CACNA1S: variants seen among roughly 807,000 people sequenced by gnomAD.
CACNA1S encodes the protein calcium voltage-gated channel subunit alpha1 S, also known as voltage-dependent L-type calcium channel subunit alpha-1S.
In CACNA1S, 126 loss-of-function variants were observed where a neutral mutation model predicts 207.4. The ratio of observed to expected loss-of-function variants is 0.61; its 90% CI spans 0.53 to 0.70. The LOEUF (loss-of-function observed/expected upper bound fraction) is 0.70. CACNA1S is among the 30% of genes least tolerant of loss of function. CACNA1S has a pLI of 0.00. For missense variants in CACNA1S, 2,349 were observed against 2,422.8 expected (o/e 0.97, Z 0.64); for synonymous variants, 960 against 932.7 (o/e 1.03, Z -0.53).
chr1:201,080,967 T>C (rs903761113), intron 10 of CACNA1S, among the ~76,000 whole-genome samples: 4 of 152,238 alleles, frequency 2.6e-5, no homozygotes, highest in Non-Finnish European at 4.4e-5. Context: ...TTGGACCCCA[T>C]ACCTATATAA....
intron 36 of CACNA1S, among the ~76,000 whole-genome samples, 167 bp downstream of exon 36, chr1:201,048,415 C>T (rs1660542967): frequency 6.6e-6 from 1 of 152,184 alleles, no homozygotes; most frequent in Non-Finnish European, 1.5e-5. Flanking sequence ...CAGGCTCCCT[C>T]TGAGCCCTGA....
In CACNA1S at chr1:201,112,216, T is replaced by A. The variant is rs1553254275; in HGVS notation, c.124A>T (p.Lys42Ter). The change falls in exon 1 of 44, where the codon AAG (lysine) becomes TAG (stop). Residue 42 changes from lysine to a stop codon, truncating the protein, a stop_gained. Transcript: ENST00000362061. LOFTEE classifies it high-confidence loss of function. Reference sequence around the variant, plus strand: ...CATTCTACAATGCTGATGCAGGCCTTCCTCAGGGGGTTCTCCAGGGTCAGG... The same window carrying A: ...CATTCTACAATGCTGATGCAGGCCTACCTCAGGGGGTTCTCCAGGGTCAGG... ...FCLTLENPLR[K>*]ACISIVEWKP... is the part of the protein sequence containing the mutation. 6.2e-7 allele frequency: 1 copy of A among 1,613,648 alleles called. No individual in the cohort carries two copies. Among genetic ancestry groups the A allele is most frequent in the Non-Finnish European group, 8.5e-7 (1 of 1,179,822 alleles).
At chr1:201,051,200 G>C in intron 32 of CACNA1S, 57 bp from the exon 33 acceptor site, 1 of 1,594,476 alleles carries the variant, frequency 6.3e-7, no homozygotes, top group Non-Finnish European at 8.6e-7. Flanking sequence ...CCCTCAGAAG[G>C]CTGGCAGTCA....
chr1:201,094,130 C>T, intron 2 of CACNA1S, 109 bp from the exon 3 acceptor site: 2 of 1,376,384 alleles, frequency 1.5e-6, no homozygotes, highest in South Asian at 1.2e-5. Flanking sequence ...GCACGCCCAC[C>T]TCAGGACGTT....
In CACNA1S at chr1:201,101,353, A is replaced by G. The variant is rs574012231; in HGVS notation, c.259-7332T>C. Among the ~76,000 whole-genome samples the G allele has an allele frequency of 2.6e-5, 4 of 152,044 alleles. No individual in the cohort carries two copies. In the South Asian group the frequency reaches 6.2e-4, roughly 24 times the overall value. On this transcript the variant is annotated intron_variant, in intron 2 of 43. Transcript: ENST00000362061. ...AGGCTTTTGACAAAAAACAACCCTC[A>G]CCCTCCATAACTAGTCATCTTCCTT...
Position 201,053,144 on chromosome 1 carries a change from T to C in CACNA1S, c.3861+65A>G. The C allele has an allele frequency of 6.4e-7, 1 of 1,559,914 alleles. No individual in the cohort carries two copies. Among genetic ancestry groups the C allele is most frequent in the Non-Finnish European group, 8.8e-7 (1 of 1,130,736 alleles). On this transcript the variant is annotated intron_variant, in intron 31 of 43. Coordinates refer to ENST00000362061, the MANE Select transcript of CACNA1S (RefSeq NM_000069.3). The surrounding 1 kb of genome is among the most constrained non-coding windows in gnomAD (Gnocchi z 5.1). ...CGTGTGCTGCTCAGGCTCCTCAGGG[T>C]CCACTGATGCCCCCTCTAACTTGGC...
intron 2 of CACNA1S, among the ~76,000 whole-genome samples, chr1:201,104,938 G>A (rs529352100): frequency 6.6e-6 from 1 of 152,308 alleles, no homozygotes; most frequent in South Asian, 2.1e-4. Flanking sequence ...GTACAAATGA[G>A]AAAAATAAAA....
Position 201,100,302 on chromosome 1 carries a change from G to A in CACNA1S, c.259-6281C>T, listed in dbSNP as rs111604126. 1.8e-3 allele frequency among the ~76,000 whole-genome samples: 275 copies of A among 152,364 alleles called. 1 individual carries two copies. The highest frequency in any genetic ancestry group is 0.01 in the Middle Eastern group (3 of 294). ...AGGTGTCTGCTAAAGGCAAGGAGGC[G>A]TTGCCTGCTGTGACTGAAGCAACAG... On this transcript the variant is annotated intron_variant, in intron 2 of 43. Transcript: ENST00000362061.
chr1:201,048,960 C>A, intron 35 of CACNA1S, 43 bp downstream of exon 35: 2 of 1,481,744 alleles, frequency 1.3e-6, no homozygotes, highest in Non-Finnish European at 1.9e-6. Flanking sequence ...CTCAGTGACT[C>A]TTCCCCTCCC....
chr1:201,065,972 T>C (rs1303132705), intron 21 of CACNA1S, 27 bp from the exon 22 acceptor site: 2 of 1,505,568 alleles, frequency 1.3e-6, no homozygotes. Flanking sequence ...CAATGGGGAC[T>C]GGGGGTGCAC....
At chr1:201,051,469 A>T (rs1172380046) in intron 32 of CACNA1S, among the ~76,000 whole-genome samples, 1 of 152,170 alleles carries the variant, frequency 6.6e-6, no homozygotes, top group Non-Finnish European at 1.5e-5. Flanking sequence ...CCTCAAAGAG[A>T]TTAACTGACT....
At chr1:201,083,114 C>T in intron 10 of CACNA1S, 48 bp downstream of exon 10, 1 of 1,608,260 alleles carries the variant, frequency 6.2e-7, no homozygotes, top group Non-Finnish European at 8.5e-7. Flanking sequence ...TGACATCAAG[C>T]CACAGCCACA....
chr1:201,075,701 C>T (rs1001991837), intron 12 of CACNA1S, 86 bp from the exon 13 acceptor site: 1 of 1,456,356 alleles, frequency 6.9e-7, no homozygotes, highest in South Asian at 1.2e-5. Flanking sequence ...AGTTCTCCTC[C>T]AACTCTGTGG....
At position 201,110,169 on chromosome 1, in the gene CACNA1S, C is replaced by T. The variant is rs369931782; in HGVS notation, c.253G>A (p.Gly85Ser). Residue 85 changes from glycine to serine, a missense_variant, in exon 2 of 44, where the codon GGC becomes AGC. Coordinates refer to ENST00000362061, the MANE Select transcript of CACNA1S (RefSeq NM_000069.3). ...PEDDNNSLNLGLEKLEYFFLI... is the reference protein window; with the variant it reads ...PEDDNNSLNLSLEKLEYFFLI... Reference sequence around the variant, plus strand: ...GATGGAAGGGCCAATCTTACCAGGCCGAGGTTCAGAGAGTTGTTGTCATCT... The same window carrying T: ...GATGGAAGGGCCAATCTTACCAGGCTGAGGTTCAGAGAGTTGTTGTCATCT... The T allele has an allele frequency of 2.2e-5, 36 of 1,613,918 alleles. No homozygotes were observed. In the Admixed American group the frequency reaches 3.3e-4, roughly 15 times the overall value.
chr1:201,055,771 A>G (rs1660818403), intron 28 of CACNA1S, among the ~76,000 whole-genome samples: 1 of 152,198 alleles, frequency 6.6e-6, no homozygotes, highest in Non-Finnish European at 1.5e-5. Flanking sequence ...TTAAGCAAAC[A>G]CTACTGGTAA....
rs757519247 is a variant in CACNA1S, at chr1:201,077,911, G to A, written c.1587C>T (p.Cys529=). The change falls in exon 11 of 44, where the codon TGC becomes TGT. Residue 529 remains cysteine, a synonymous_variant. Transcript: ENST00000362061. ...TCTTGAAGATCCTCAGGAGGCGGATGCAGCGGAGCACGGAGATGCCCAGGG... is the reference window on the plus strand; with the variant it reads ...TCTTGAAGATCCTCAGGAGGCGGATACAGCGGAGCACGGAGATGCCCAGGG... ...MTPLGISVLR[C]IRLLRIFKIT... 8.7e-6 allele frequency: 14 copies of A among 1,613,940 alleles called. No individual in the cohort carries two copies. The highest frequency in any genetic ancestry group is 2.7e-5 in the African/African-American group (2 of 74,932).
Position 201,043,541 on chromosome 1 carries a change from A to C in CACNA1S, c.4798-10T>G. On this transcript the variant is annotated splice_polypyrimidine_tract_variant and intron_variant, in intron 39 of 43. Transcript: ENST00000362061. ...ACAGGCCTCCAGTCCTCTAGGGGCA[A>C]GGAGAAGAGCAGTGACTGGGGGTGA... is the stretch of plus-strand genomic sequence containing the variant. 1 of 1,613,368 alleles carries C rather than the reference A, an allele frequency of 6.2e-7. No homozygotes were observed. Among genetic ancestry groups the C allele is most frequent in the Non-Finnish European group, 8.5e-7 (1 of 1,179,602 alleles).
At chr1:201,067,069 G>T in intron 19 of CACNA1S, 76 bp from the exon 20 acceptor site, 1 of 963,098 alleles carries the variant, frequency 1.0e-6, no homozygotes, top group Non-Finnish European at 1.7e-6. Flanking sequence ...AGGGCTTCTC[G>T]CCTCTGCTCA....
In CACNA1S at chr1:201,046,970, G is replaced by C; in HGVS notation, c.4668+145C>G. On this transcript the variant is annotated intron_variant, in intron 38 of 43. Coordinates refer to ENST00000362061, the MANE Select transcript of CACNA1S (RefSeq NM_000069.3). The stretch of plus-strand genomic sequence containing the variant: ...CTTCAATCATGGACTACCCAGAACT[G>C]TCTTGACATTTTTTCACTCTTCTGG... The C allele has an allele frequency of 1.8e-6, 2 of 1,134,092 alleles. 1 individual carries two copies. The highest frequency in any genetic ancestry group is 2.6e-5 in the South Asian group (2 of 78,196). 70.3% of individuals were successfully genotyped at this position (1,134,092 alleles called of 1,614,324 possible).
Sources: gnomAD v4.1 joint callset for allele counts (sites outside exome capture counted in the v4.1 genomes callset) on GRCh38, gnomAD v4.1.1 for gene constraint, Gnocchi (gnomAD v3.1) non-coding constraint, MANE v1.5 for transcripts, NCBI Gene and HGNC (gene_info 2026-07-23, HGNC 2026-07-21) for gene names.